Variants in PSIP1 observed in about 807,000 individuals in gnomAD.
PSIP1 encodes PC4 and SRSF1 interacting protein 1.
A neutral mutation model predicts 74.7 loss-of-function variants in PSIP1; 19 were observed. That is an observed-to-expected ratio of 0.25 (90% CI 0.18 to 0.37). The LOEUF (loss-of-function observed/expected upper bound fraction) is 0.37. Among genes scored for constraint, PSIP1 ranks in the 10% least tolerant of loss-of-function variants. The pLI is 1.00. For synonymous variants in PSIP1, 222 were observed against 195.3 expected (o/e 1.14, Z -1.14); for missense variants, 601 against 614.3 (o/e 0.98, Z 0.23).
chr9:15,494,292 C>T (rs12686545), intron 3 of PSIP1, among the ~76,000 whole-genome samples: 2,882 of 152,088 alleles, frequency 0.019, 79 homozygotes, highest in South Asian at 0.12. Flanking sequence ...TATGGCTGGG[C>T]GTGGTGGCTC....
chr9:15,485,347 T>C (rs553737429), intron 6 of PSIP1, among the ~76,000 whole-genome samples: 8 of 152,160 alleles, frequency 5.3e-5, no homozygotes, highest in Non-Finnish European at 1.0e-4. Context: ...TAAAATCTTG[T>C]TATCACACCA....
intron 2 of PSIP1, among the ~76,000 whole-genome samples, chr9:15,507,318 A>G (rs2037638589): frequency 6.6e-6 from 1 of 152,234 alleles, no homozygotes; most frequent in African/African-American, 2.4e-5. Context: ...AAGGAAAAGC[A>G]GACCTCAGGA....
chr9:15,473,915 CAAA>C (rs386414512), intron 9 of PSIP1, 91 bp downstream of exon 9: 4 of 600,660 alleles, frequency 6.7e-6, no homozygotes, highest in South Asian at 4.1e-5. Context: ...AAAAAAAAAA[CAAA>C]AAAAAAAACA....
chr9:15,472,163 G>C, intron 10 of PSIP1: 1 of 985,556 alleles, frequency 1.0e-6, no homozygotes, highest in Non-Finnish European at 1.2e-6. Flanking sequence ...CACCCTGTCA[G>C]CCTTTAGATT....
chr9:15,502,264 T>C (rs1563898219), intron 3 of PSIP1, among the ~76,000 whole-genome samples: 1 of 152,134 alleles, frequency 6.6e-6, no homozygotes, highest in Non-Finnish European at 1.5e-5. Context: ...TGCATTAAGG[T>C]AATAATGACA....
chr9:15,501,934 G>A (rs116191924), intron 3 of PSIP1, among the ~76,000 whole-genome samples: 18 of 150,342 alleles, frequency 1.2e-4, no homozygotes, highest in Admixed American at 4.6e-4. Context: ...ACCAGTACCC[G>A]TCCGTGGCCT....
chr9:15,510,967 TGCTCCCGCGCG>T (rs1207355187), exon 1 of PSIP1: 1 of 152,832 alleles, frequency 6.5e-6, no homozygotes, highest in Non-Finnish European at 1.5e-5. Context: ...GTAGCTGCGC[TGCTCCCGCGCG>T]GCTCCCGCTC....
chr9:15,507,098 A>C (rs888994763), intron 2 of PSIP1, among the ~76,000 whole-genome samples: 2 of 152,214 alleles, frequency 1.3e-5, no homozygotes, highest in African/African-American at 2.4e-5. Context: ...ACTAATGTAA[A>C]AGCAGACATT....
In PSIP1 at chr9:15,465,010, C is replaced by G. The variant is rs2035516247; in HGVS notation, c.*510G>C. On this transcript the variant is annotated 3_prime_UTR_variant, in exon 16 of 16. Coordinates refer to ENST00000380733, the MANE Select transcript of PSIP1 (RefSeq NM_033222.5). ...ATGTAGACTGTGAGATTAAAATTAA[C>G]TTTTGATAAAAAGGGAGTGAGTACT... 4.6e-6 allele frequency: 1 copy of G among 219,564 alleles called. No individual in the cohort carries two copies. Among genetic ancestry groups the G allele is most frequent in the East Asian group, 6.8e-5 (1 of 14,642 alleles). 13.6% of individuals were successfully genotyped at this position (219,564 alleles called of 1,614,324 possible).
chr9:15,480,101 T>G (rs1302630957), intron 6 of PSIP1, among the ~76,000 whole-genome samples: 1 of 152,338 alleles, frequency 6.6e-6, no homozygotes, highest in East Asian at 1.9e-4. Context: ...AAGAAAGGAT[T>G]TACTACAACA....
intron 11 of PSIP1, among the ~76,000 whole-genome samples, 170 bp from the exon 12 acceptor site, chr9:15,469,506 T>C (rs200022727): frequency 7.9e-5 from 12 of 152,262 alleles, no homozygotes; most frequent in South Asian, 2.1e-4. Context: ...AAGTACTTAT[T>C]GCCATTTTTA....
In PSIP1 at chr9:15,468,720, G is replaced by A. The variant is rs138825013; in HGVS notation, c.1330C>T (p.Leu444Phe). ...TCCTCATGCTGTCTTTGTTCAGCAAGAGATTTATTCAGCACTTGGGTGATC... is the reference window on the plus strand; with the variant it reads ...TCCTCATGCTGTCTTTGTTCAGCAAAAGATTTATTCAGCACTTGGGTGATC... Reference protein sequence around the residue: ...SVITQVLNKSLAEQRQHEEAN... With the variant: ...SVITQVLNKSFAEQRQHEEAN... The change falls in exon 14 of 16, where the codon CTT becomes TTT. Residue 444 changes from leucine to phenylalanine, a missense_variant. Leu to Phe is a conservative substitution (Grantham distance 22, BLOSUM62 0). Coordinates refer to ENST00000380733, the MANE Select transcript of PSIP1 (RefSeq NM_033222.5). The A allele has an allele frequency of 2.5e-6, 4 of 1,614,088 alleles. No homozygotes were observed. The highest frequency in any genetic ancestry group is 1.1e-5 in the South Asian group (1 of 91,078).
intron 3 of PSIP1, among the ~76,000 whole-genome samples, chr9:15,493,349 G>A (rs191079678): frequency 6.6e-6 from 1 of 152,300 alleles, no homozygotes; most frequent in African/African-American, 2.4e-5. Context: ...TCAGCCTGGA[G>A]TTCATTGGCC....
chr9:15,471,901 G>A (rs914363933), intron 10 of PSIP1: 5 of 982,432 alleles, frequency 5.1e-6, no homozygotes, highest in East Asian at 1.1e-4. Flanking sequence ...AATGTAAGAC[G>A]CTTCACGAGA....
In PSIP1 at chr9:15,470,171, CTAAT is replaced by C. The variant is rs375167520; in HGVS notation, c.978-182_978-179del. 2.1e-4 allele frequency among the ~76,000 whole-genome samples: 31 copies of C among 150,280 alleles called. No homozygotes were observed. In the East Asian group the frequency reaches 3.1e-3, roughly 15 times the overall value. On this transcript the variant is annotated intron_variant, in intron 10 of 15. Coordinates refer to ENST00000380733, the MANE Select transcript of PSIP1 (RefSeq NM_033222.5). Reference sequence around the variant, plus strand: ...CCGTAGCATAAATATAAGCAAAACTCTAATTAACATGCTAGATTAAATCATATCT... The same window carrying C: ...CCGTAGCATAAATATAAGCAAAACTCTAACATGCTAGATTAAATCATATCT...
intron 7 of PSIP1, among the ~76,000 whole-genome samples, chr9:15,478,887 ATAT>A (rs1264776108): frequency 1.1e-4 from 16 of 152,072 alleles, no homozygotes; most frequent in Admixed American, 1.0e-3. Context: ...ATTCATATAC[ATAT>A]TATATTACTT....
intron 14 of PSIP1, 37 bp downstream of exon 14, chr9:15,468,593 A>G: frequency 1.3e-6 from 2 of 1,592,348 alleles, no homozygotes; most frequent in East Asian, 2.2e-5. Context: ...AAATGGTTTA[A>G]AAACTGGTGT....
At chr9:15,479,473 G>T in intron 7 of PSIP1, 118 bp downstream of exon 7, 1 of 656,664 alleles carries the variant, frequency 1.5e-6, no homozygotes, top group Non-Finnish European at 2.5e-6. Context: ...AAATCTGTAT[G>T]TTACACATAA....
intron 3 of PSIP1, among the ~76,000 whole-genome samples, chr9:15,495,067 T>C (rs932154262): frequency 2.6e-5 from 4 of 152,168 alleles, no homozygotes; most frequent in African/African-American, 9.6e-5. Flanking sequence ...AAAATAAAAT[T>C]TGGAAGCTAA....
Sources: allele counts gnomAD v4.1 joint callset (sites outside exome capture counted in the v4.1 genomes callset), GRCh38; gene constraint gnomAD v4.1.1; transcripts MANE v1.5; gene names NCBI Gene and HGNC (gene_info 2026-07-23, HGNC 2026-07-21).